SCAF4: variants seen among roughly 807,000 people sequenced by gnomAD.
SCAF4 encodes the protein SR-related and CTD-associated factor 4.
In SCAF4, 25 loss-of-function variants were observed where a neutral mutation model predicts 129.8. That is an observed-to-expected ratio of 0.19 (90% confidence interval 0.14 to 0.27). The LOEUF is 0.27. Among genes scored for constraint, SCAF4 ranks in the 10% least tolerant of loss-of-function variants. SCAF4 has a pLI of 1.00. For missense variants in SCAF4, 1,246 were observed against 1,457.1 expected (o/e 0.86, Z 2.36); for synonymous variants, 551 against 497.7 (o/e 1.11, Z -1.43).
At chr21:31,689,513 T>C (rs1163414612) in intron 15 of SCAF4, among the ~76,000 whole-genome samples, 1 of 149,854 alleles carries the variant, frequency 6.7e-6, no homozygotes, top group African/African-American at 2.5e-5. Context: ...TTTTACCATG[T>C]TGGCCAGGCT....
chr21:31,725,565 T>C (rs1353695154), intron 1 of SCAF4, among the ~76,000 whole-genome samples: 1 of 152,218 alleles, frequency 6.6e-6, no homozygotes, highest in Non-Finnish European at 1.5e-5. Flanking sequence ...TACTGCAAAG[T>C]AGCATTATAT....
At chr21:31,707,784 A>G (rs909557980) in intron 1 of SCAF4, among the ~76,000 whole-genome samples, 1 of 152,242 alleles carries the variant, frequency 6.6e-6, no homozygotes, top group Non-Finnish European at 1.5e-5. Flanking sequence ...CCCACCTAGC[A>G]GTGTATCCTA....
rs747697833 is a variant in SCAF4, at chr21:31,685,455, T to C, written c.2239A>G (p.Ile747Val). ...GGAGGAATGGATACTGGTGGAGTTATAGGAGGTGGGGGTCCAGGAGGCAGA... is the reference window on the plus strand; with the variant it reads ...GGAGGAATGGATACTGGTGGAGTTACAGGAGGTGGGGGTCCAGGAGGCAGA... ...GFLPPGPPPP[I>V]TPPVSIPPPH... Residue 747 changes from isoleucine (I) to valine (V), a missense_variant, in exon 18 of 20, where the codon ATA becomes GTA. By Grantham distance (29) the Ile-to-Val change is conservative (BLOSUM62 3). Coordinates refer to ENST00000286835, the MANE Select transcript of SCAF4 (RefSeq NM_020706.2). The C allele has an allele frequency of 3.7e-6, 6 of 1,613,562 alleles. No homozygotes were observed. In the East Asian group the frequency reaches 1.3e-4, roughly 36 times the overall value.
At chr21:31,718,002 G>A (rs188275349) in intron 1 of SCAF4, among the ~76,000 whole-genome samples, 2 of 151,518 alleles carry the variant, frequency 1.3e-5, no homozygotes, top group African/African-American at 4.9e-5. Context: ...GGAGTGCAAT[G>A]GCGCGATCTC....
intron 1 of SCAF4, among the ~76,000 whole-genome samples, chr21:31,727,181 C>G (rs1338941631): frequency 6.6e-6 from 1 of 152,010 alleles, no homozygotes; most frequent in Non-Finnish European, 1.5e-5. Flanking sequence ...AGGGTTCAAA[C>G]AATTCTCCTA....
intron 1 of SCAF4, among the ~76,000 whole-genome samples, chr21:31,717,868 CACATATACACATATATACACAT>C (rs1364041611): frequency 2.5e-5 from 3 of 121,026 alleles, no homozygotes; most frequent in African/African-American, 1.2e-4. Flanking sequence ...CACACACACA[CACATATACACATATATACACAT>C]ATATACACAT....
chr21:31,690,358 G>C (rs535460463), intron 15 of SCAF4, among the ~76,000 whole-genome samples: 1 of 152,034 alleles, frequency 6.6e-6, no homozygotes, highest in African/African-American at 2.4e-5. Flanking sequence ...GGTGGCACGC[G>C]CCTGTAGTCC....
Position 31,702,249 on chromosome 21 carries a change from T to A in SCAF4, c.452A>T (p.Asn151Ile). The part of the protein sequence containing the change: ...AAPVAENVTN[N>I]EGSPPPPVKV... ...ACAGATACATCTGACCATACCTTCA[T>A]TATTGGTAACATTTTCTGCTACTGG... Residue 151 changes from asparagine to isoleucine, a missense_variant, in exon 5 of 20, where the codon AAT (asparagine) becomes ATT (isoleucine). This residue lies in a region of SCAF4 where 143 missense variants were observed against 161.0 expected (regional missense o/e 0.89). Transcript: ENST00000286835. 1 of 1,614,084 alleles carries A rather than the reference T, an allele frequency of 6.2e-7. No individual in the cohort carries two copies. Among genetic ancestry groups the A allele is most frequent in the Non-Finnish European group, 8.5e-7 (1 of 1,179,978 alleles).
At chr21:31,693,239 AAAC>A in intron 12 of SCAF4, 52 bp downstream of exon 12, 1 of 1,262,642 alleles carries the variant, frequency 7.9e-7, no homozygotes, top group Admixed American at 2.8e-5. Context: ...AAAACACTTT[AAAC>A]CCAAGACATG....
chr21:31,712,271 G>A lies in SCAF4; in HGVS notation c.31-5914C>T, dbSNP rs549321436. ...CTCACTTTGTCTCCCATGCTGGAGTGCAGTGGTGGGATCTTGGCTCACTGC... is the reference window on the plus strand; with the variant it reads ...CTCACTTTGTCTCCCATGCTGGAGTACAGTGGTGGGATCTTGGCTCACTGC... On this transcript the variant is annotated intron_variant, in intron 1 of 19. Coordinates refer to ENST00000286835, the MANE Select transcript of SCAF4 (RefSeq NM_020706.2). 2.8e-5 allele frequency among the ~76,000 whole-genome samples: 4 copies of A among 144,178 alleles called. No homozygotes were observed. In the Admixed American group the frequency reaches 2.8e-4, roughly 10 times the overall value. The allele number at this position is 144,178 out of a possible 152,430, so 94.6% of individuals were successfully genotyped here.
rs1482370198 is a variant in SCAF4 at position 31,690,969 on chromosome 21, T to A, written c.1729-16A>T. 1 of 1,593,830 alleles carries A rather than the reference T, an allele frequency of 6.3e-7. No homozygotes were observed. The highest frequency in any genetic ancestry group is 8.5e-7 in the Non-Finnish European group (1 of 1,170,572). ...CCCAGGCAATCTATTTCACCATTAG[T>A]GAAAATATAAAAAGAAAACAAAGCA... On this transcript the variant is annotated splice_polypyrimidine_tract_variant and intron_variant, in intron 14 of 19. Coordinates refer to ENST00000286835, the MANE Select transcript of SCAF4 (RefSeq NM_020706.2).
intron 1 of SCAF4, among the ~76,000 whole-genome samples, chr21:31,721,136 A>C (rs926684321): frequency 1.3e-5 from 2 of 151,658 alleles, no homozygotes; most frequent in Admixed American, 6.6e-5. Context: ...ATTACCAGTC[A>C]CTCTCCATTC....
chr21:31,691,213 G>C (rs947454293), intron 14 of SCAF4, among the ~76,000 whole-genome samples: 1 of 152,116 alleles, frequency 6.6e-6, no homozygotes, highest in African/African-American at 2.4e-5. Context: ...ATAAAACTTA[G>C]AGAAAAGGAA....
At chr21:31,696,441 AAACT>A in intron 8 of SCAF4, 124 bp downstream of exon 8, 1 of 1,048,336 alleles carries the variant, frequency 9.5e-7, no homozygotes. Context: ...ATTCAAGAGA[AAACT>A]AATACCACAA....
chr21:31,724,719 A>G (rs943919790), intron 1 of SCAF4, among the ~76,000 whole-genome samples: 8 of 151,986 alleles, frequency 5.3e-5, no homozygotes, highest in African/African-American at 1.2e-4. Context: ...CGTATGTGGT[A>G]AAGAAAACAA....
rs374538503 is a variant in SCAF4 at position 31,685,134 on chromosome 21, G to A, written c.2403C>T (p.Ser801=). 36 of 1,612,714 alleles carry A rather than the reference G, an allele frequency of 2.2e-5. No homozygotes were observed. The highest frequency in any genetic ancestry group is 1.8e-4 in the Middle Eastern group (1 of 5,442). ...GARGNAESGD[S]VKMYGSAVPP... ...GCACGGCAGAGCCATACATTTTCAC[G>A]CTGTCACCAGACTCGGCGTTTCCTC... is the stretch of plus-strand genomic sequence containing the variant. Residue 801 remains serine (S), a synonymous_variant, in exon 19 of 20, where the codon AGC becomes AGT. Transcript: ENST00000286835.
chr21:31,720,813 G>A (rs905312088), intron 1 of SCAF4, among the ~76,000 whole-genome samples: 3 of 152,076 alleles, frequency 2.0e-5, no homozygotes, highest in Non-Finnish European at 4.4e-5. Context: ...AAAATAGTAC[G>A]TCAAAACTAA....
intron 19 of SCAF4, 142 bp downstream of exon 19, chr21:31,684,907 C>G (rs1040929815): frequency 3.3e-5 from 19 of 576,632 alleles, no homozygotes; most frequent in Admixed American, 1.3e-4. Context: ...AACAAACAAA[C>G]AAAACAACCA....
intron 19 of SCAF4, 69 bp from the exon 20 acceptor site, chr21:31,672,423 T>A: frequency 1.6e-6 from 2 of 1,229,732 alleles, no homozygotes; most frequent in Non-Finnish European, 1.2e-6. Flanking sequence ...CTGTGTTCTG[T>A]GGCGCTTAAA....
Sources: allele counts gnomAD v4.1 joint callset (sites outside exome capture counted in the v4.1 genomes callset), GRCh38; gene constraint gnomAD v4.1.1; regional missense constraint gnomAD v4.1.1; transcripts MANE v1.5; gene names NCBI Gene and HGNC (gene_info 2026-07-23, HGNC 2026-07-21).